KIAA1217: variants seen among roughly 807,000 people sequenced by gnomAD.
KIAA1217 encodes KIAA1217, also known as sickle tail protein homolog.
KIAA1217 carries 88 observed loss-of-function variants against 163.9 expected under a neutral mutation model. The ratio of observed to expected loss-of-function variants is 0.54; its 90% CI spans 0.45 to 0.64. KIAA1217 has a LOEUF of 0.64. KIAA1217 is among the 30% of genes least tolerant of loss of function. The pLI is 0.00. For synonymous variants in KIAA1217, 903 were observed against 923.1 expected (o/e 0.98, Z 0.39); for missense variants, 2,372 against 2,475.0 (o/e 0.96, Z 0.88).
chr10:23,970,147 C>T (rs1000657069), intron 1 of KIAA1217, among the ~76,000 whole-genome samples: 1 of 152,076 alleles, frequency 6.6e-6, no homozygotes, highest in Non-Finnish European at 1.5e-5. Context: ...ACCATATCAC[C>T]AATTAATTGA....
At chr10:24,387,675 C>G (rs916289454) in intron 3 of KIAA1217, among the ~76,000 whole-genome samples, 2 of 152,212 alleles carry the variant, frequency 1.3e-5, no homozygotes, top group African/African-American at 4.8e-5. Flanking sequence ...AGCCCAAAAT[C>G]TCCTTAAGCT....
At chr10:23,847,270 T>C (rs7099150) in intron 1 of KIAA1217, among the ~76,000 whole-genome samples, 22,578 of 151,920 alleles carry the variant, frequency 0.15, 5,164 homozygotes, top group African/African-American at 0.49. Flanking sequence ...AGGGAGGATC[T>C]CCTCTTTTTC....
chr10:23,931,220 T>C (rs1843239782), intron 1 of KIAA1217, among the ~76,000 whole-genome samples: 1 of 152,118 alleles, frequency 6.6e-6, no homozygotes, highest in Non-Finnish European at 1.5e-5. Context: ...CCTACAATAA[T>C]TCTGAGTGAT....
At chr10:24,538,281 CT>C (rs2074334342) in intron 17 of KIAA1217, among the ~76,000 whole-genome samples, 1 of 152,130 alleles carries the variant, frequency 6.6e-6, no homozygotes, top group Admixed American at 6.5e-5. Context: ...CCACGGCACC[CT>C]TGTGTAAACT....
At chr10:23,745,695 G>C (rs144799115) in intron 1 of KIAA1217, among the ~76,000 whole-genome samples, 14 of 152,130 alleles carry the variant, frequency 9.2e-5, no homozygotes, top group Non-Finnish European at 1.6e-4. Flanking sequence ...TTGGCCCACC[G>C]ATAATTTGTA....
chr10:24,368,146 T>A (rs189333754), intron 2 of KIAA1217, among the ~76,000 whole-genome samples: 98 of 152,358 alleles, frequency 6.4e-4, no homozygotes, highest in African/African-American at 2.3e-3. Context: ...TGAGTGTTTA[T>A]CCTTAATTTT....
intron 1 of KIAA1217, among the ~76,000 whole-genome samples, chr10:23,851,298 A>G (rs1839305928): frequency 6.6e-6 from 1 of 152,120 alleles, no homozygotes; most frequent in Non-Finnish European, 1.5e-5. Flanking sequence ...TTTACTGAGA[A>G]TGATGATTTC....
In KIAA1217 at chr10:24,088,152, G is replaced by C. The variant is rs983503515; in HGVS notation, c.-171+80778G>C. On this transcript the variant is annotated intron_variant, in intron 2 of 18. Coordinates refer to the KIAA1217 transcript ENST00000376462. ...CTTTTTTCATGCAGAAGAAGCTAAT[G>C]ACTTTGAGAAGTCAGAGATGCCTGG... 2.5e-5 allele frequency among the ~76,000 whole-genome samples: 3 copies of C among 121,968 alleles called. 1 individual carries two copies. The highest frequency in any genetic ancestry group is 7.6e-5 in the African/African-American group (3 of 39,642). The allele number at this position is 121,968 out of a possible 152,430, so 80.0% of individuals were successfully genotyped here.
chr10:23,878,191 T>G (rs1414587288), intron 1 of KIAA1217, among the ~76,000 whole-genome samples: 1 of 151,970 alleles, frequency 6.6e-6, no homozygotes, highest in African/African-American at 2.4e-5. Context: ...ATGGTTTTTA[T>G]TGAAATAACA....
intron 1 of KIAA1217, among the ~76,000 whole-genome samples, chr10:23,931,427 A>G (rs987544565): frequency 1.3e-5 from 2 of 152,208 alleles, no homozygotes; most frequent in Admixed American, 1.3e-4. Flanking sequence ...TGGAGAAAGA[A>G]GAGTCACTGT....
In KIAA1217 at chr10:24,290,506, TA is replaced by T. The variant is rs796361122; in HGVS notation, c.354+70609del. On this transcript the variant is annotated intron_variant, in intron 2 of 20. Coordinates refer to ENST00000376454, the MANE Select transcript of KIAA1217 (RefSeq NM_019590.5). ...TCTCTCAGGTGAGGTTGTATGAGTGTAAAAAAAAAAAAGTTCTTTCTTTTTT... is the reference window on the plus strand; with the variant it reads ...TCTCTCAGGTGAGGTTGTATGAGTGTAAAAAAAAAAAGTTCTTTCTTTTTT... Among the ~76,000 whole-genome samples, 682 of 143,668 alleles carry T rather than the reference TA, an allele frequency of 4.7e-3. 3 individuals are homozygous for T. The highest frequency in any genetic ancestry group is 0.012 in the African/African-American group (474 of 39,500). 94.3% of individuals were successfully genotyped at this position (143,668 alleles called of 152,430 possible).
chr10:24,231,657 T>G (rs2071427986), intron 2 of KIAA1217, among the ~76,000 whole-genome samples: 3 of 151,864 alleles, frequency 2.0e-5, no homozygotes, highest in Admixed American at 2.0e-4. Flanking sequence ...CATTTGGATA[T>G]GATGAAAAAC....
chr10:24,292,884 A>G (rs140990557), intron 2 of KIAA1217, among the ~76,000 whole-genome samples: 5 of 152,166 alleles, frequency 3.3e-5, no homozygotes, highest in African/African-American at 1.2e-4. Flanking sequence ...AAAAAAGAAG[A>G]AAGGTGGCCT....
intron 2 of KIAA1217, among the ~76,000 whole-genome samples, chr10:24,033,481 A>G (rs542023218): frequency 5.3e-5 from 8 of 152,330 alleles, no homozygotes; most frequent in Admixed American, 2.6e-4. Flanking sequence ...TCCTGTTCCC[A>G]CTGTGTTTTA....
intron 2 of KIAA1217, among the ~76,000 whole-genome samples, chr10:24,299,729 C>T (rs964952448): frequency 2.0e-5 from 3 of 152,114 alleles, no homozygotes; most frequent in African/African-American, 4.8e-5. Context: ...GTCACTTTTA[C>T]GCTTATGAGT....
At chr10:24,059,763 G>A (rs1399518917) in intron 2 of KIAA1217, among the ~76,000 whole-genome samples, 1 of 152,078 alleles carries the variant, frequency 6.6e-6, no homozygotes, top group Non-Finnish European at 1.5e-5. Flanking sequence ...ATTTTTAGTA[G>A]AGATGGGGTT....
At chr10:24,086,893 G>A (rs962017101) in intron 2 of KIAA1217, among the ~76,000 whole-genome samples, 8 of 152,142 alleles carry the variant, frequency 5.3e-5, no homozygotes, top group East Asian at 3.9e-4. Flanking sequence ...CATTTGTCCC[G>A]TGGGAACTGT....
chr10:24,029,888 C>T (rs986835584), intron 2 of KIAA1217, among the ~76,000 whole-genome samples: 1 of 152,116 alleles, frequency 6.6e-6, no homozygotes, highest in East Asian at 1.9e-4. Context: ...TGTGACAATG[C>T]AAGGGAACAT....
At chr10:24,384,122 C>T (rs1413401726) in intron 3 of KIAA1217, among the ~76,000 whole-genome samples, 1 of 152,174 alleles carries the variant, frequency 6.6e-6, no homozygotes, top group Non-Finnish European at 1.5e-5. Flanking sequence ...ATACTTTGAG[C>T]TGTAACCCCC....
Sources: gnomAD v4.1 joint callset for allele counts (sites outside exome capture counted in the v4.1 genomes callset) on GRCh38, gnomAD v4.1.1 for gene constraint, MANE v1.5 for transcripts, NCBI Gene and HGNC (gene_info 2026-07-23, HGNC 2026-07-21) for gene names.